Variants in UBL7 observed in about 807,000 individuals in gnomAD.
The protein encoded by UBL7 is ubiquitin like 7.
A neutral mutation model predicts 41.7 loss-of-function variants in UBL7; 21 were observed. That is an observed-to-expected ratio of 0.50 (90% confidence interval 0.36 to 0.73). The LOEUF is 0.73. Among genes scored for constraint, UBL7 ranks in the 30% least tolerant of loss-of-function variants. UBL7 has a pLI of 0.00. For missense variants in UBL7, 403 were observed against 478.4 expected, an observed-to-expected ratio of 0.84 and a Z score of 1.47; for synonymous variants, 157 against 186.9, an observed-to-expected ratio of 0.84 and a Z score of 1.31.
intron 3 of UBL7, among the ~76,000 whole-genome samples, chr15:74,454,550 C>G (rs1425676439): frequency 6.6e-6 from 1 of 152,122 alleles, no homozygotes; most frequent in Non-Finnish European, 1.5e-5. Flanking sequence ...AAGCAGGCAC[C>G]ACCATGCCTG....
chr15:74,450,196 T>A, intron 6 of UBL7, 127 bp from the exon 7 acceptor site: 1 of 1,182,420 alleles, frequency 8.5e-7, no homozygotes, highest in Non-Finnish European at 1.2e-6. Flanking sequence ...CCTCAGTCTT[T>A]AGCATCTTCC....
At chr15:74,449,895 C>T (rs368936938) in intron 7 of UBL7, 41 bp downstream of exon 7, 70 of 1,586,588 alleles carry the variant, frequency 4.4e-5, no homozygotes, top group African/African-American at 2.3e-4. Flanking sequence ...GGGCCACTGC[C>T]GGCTCCTGAG....
chr15:74,457,736 C>CAA (rs1187527943), intron 2 of UBL7, among the ~76,000 whole-genome samples: 29 of 37,392 alleles, frequency 7.8e-4, no homozygotes, highest in Middle Eastern at 0.013. Flanking sequence ...GACTCCGTCT[C>CAA]AAAAAAAAAA....
At chr15:74,451,568 C>G in intron 4 of UBL7, 48 bp from the exon 5 acceptor site, 1 of 1,487,676 alleles carries the variant, frequency 6.7e-7, no homozygotes, top group Non-Finnish European at 9.4e-7. Flanking sequence ...GCTCAATGTA[C>G]TCATCAAATG....
chr15:74,460,058 ATGG>A (rs1338008855), intron 1 of UBL7, among the ~76,000 whole-genome samples: 3 of 151,666 alleles, frequency 2.0e-5, no homozygotes, highest in African/African-American at 7.3e-5. Flanking sequence ...CCTGGCCAAC[ATGG>A]TGAAACTACA....
chr15:74,448,789 C>T (rs753315798), intron 9 of UBL7, among the ~76,000 whole-genome samples, 189 bp from the exon 10 acceptor site: 2 of 152,196 alleles, frequency 1.3e-5, no homozygotes, highest in Non-Finnish European at 2.9e-5. Context: ...AGGTTCCATT[C>T]TCTTCTGCAC....
At chr15:74,460,700 G>C in intron 1 of UBL7, 1 of 1,289,158 alleles carries the variant, frequency 7.8e-7, no homozygotes, top group African/African-American at 1.5e-5. Flanking sequence ...AAATAAATCA[G>C]AAACTCTGAC....
In UBL7 at chr15:74,458,755, T is replaced by A; in HGVS notation, c.113A>T (p.Tyr38Phe). ...TELGEYSLGG[Y>F]SISFLKQLIA... ...AAGCTGCTTCAGAAATGAAATACTA[T>A]AGCCCCCTAGCGAGTATTCTCCCAG... is the stretch of plus-strand genomic sequence containing the variant. The change falls in exon 2 of 11, where the codon TAT becomes TTT. Residue 38 changes from tyrosine (Y) to phenylalanine (F), a missense_variant. Physicochemically the swap from Tyr to Phe is conservative, Grantham distance 22 (BLOSUM62 3). Coordinates refer to ENST00000395081, the MANE Select transcript of UBL7 (RefSeq NM_032907.5). 1 of 1,614,042 alleles carries A rather than the reference T, an allele frequency of 6.2e-7. No individual in the cohort carries two copies. Among genetic ancestry groups the A allele is most frequent in the East Asian group, 2.2e-5 (1 of 44,880 alleles).
At chr15:74,454,808 A>T (rs922768496) in intron 3 of UBL7, among the ~76,000 whole-genome samples, 4 of 152,200 alleles carry the variant, frequency 2.6e-5, no homozygotes, top group African/African-American at 9.6e-5. Context: ...GAGTGATTTT[A>T]TAATTGAGTA....
chr15:74,458,917 A>C, intron 1 of UBL7, 21 bp from the exon 2 acceptor site: 1 of 1,598,012 alleles, frequency 6.3e-7, no homozygotes, highest in Non-Finnish European at 8.5e-7. Context: ...ACAAAACCTC[A>C]GTGGTTAAAA....
chr15:74,449,565 T>C, intron 8 of UBL7, 61 bp downstream of exon 8: 1 of 1,613,056 alleles, frequency 6.2e-7, no homozygotes. Flanking sequence ...AGGATGCAGC[T>C]CATTCCCAGC....
chr15:74,450,170 T>C (rs1373654190), intron 6 of UBL7, 101 bp from the exon 7 acceptor site: 1 of 1,363,986 alleles, frequency 7.3e-7, no homozygotes. Flanking sequence ...CAGCCACCTG[T>C]GCCTGCTCTC....
chr15:74,447,704 C>CTCAA lies in UBL7; in HGVS notation c.1005+770_1005+773dup, dbSNP rs372333367. Reference sequence around the variant, plus strand: ...CCTGGGTGACAGAGTGACACCCTGTCTCAATCAATCAATCAATCAATCAAT... The same window carrying CTCAA: ...CCTGGGTGACAGAGTGACACCCTGTCTCAATCAATCAATCAATCAATCAATCAAT... On this transcript the variant is annotated intron_variant, in intron 10 of 10. Coordinates refer to ENST00000395081, the MANE Select transcript of UBL7 (RefSeq NM_032907.5). Among the ~76,000 whole-genome samples, 254 of 152,122 alleles carry CTCAA rather than the reference C, an allele frequency of 1.7e-3. 2 individuals are homozygous for CTCAA. Among genetic ancestry groups the CTCAA allele is most frequent in the Non-Finnish European group, 1.9e-3 (129 of 67,976 alleles).
At chr15:74,451,007 G>A in intron 5 of UBL7, 148 bp from the exon 6 acceptor site, 1 of 805,186 alleles carries the variant, frequency 1.2e-6, no homozygotes, top group South Asian at 1.6e-5. Flanking sequence ...AAAGCGCCAA[G>A]CAATACAATT....
At chr15:74,460,700 G>GA in intron 1 of UBL7, 1 of 1,289,158 alleles carries the variant, frequency 7.8e-7, no homozygotes, top group Non-Finnish European at 1.0e-6. Flanking sequence ...AAATAAATCA[G>GA]AAACTCTGAC....
rs1459952926 is a variant in UBL7, at chr15:74,461,143, G to T, written c.-136C>A. ...GAAGGAACCCGGCCGCACTGCCGCCGGTGTAAACACTCACTCTGGCCCTCT... is the reference window on the plus strand; with the variant it reads ...GAAGGAACCCGGCCGCACTGCCGCCTGTGTAAACACTCACTCTGGCCCTCT... On this transcript the variant is annotated 5_prime_UTR_variant, in exon 1 of 11. Coordinates refer to ENST00000395081, the MANE Select transcript of UBL7 (RefSeq NM_032907.5). 1 of 997,694 alleles carries T rather than the reference G, an allele frequency of 1.0e-6. No homozygotes were observed. Among genetic ancestry groups the T allele is most frequent in the Non-Finnish European group, 1.2e-6 (1 of 836,170 alleles). 61.8% of individuals were successfully genotyped at this position (997,694 alleles called of 1,614,324 possible).
intron 1 of UBL7, among the ~76,000 whole-genome samples, chr15:74,460,472 C>T (rs192359854): frequency 1.6e-4 from 24 of 152,240 alleles, no homozygotes; most frequent in Non-Finnish European, 3.4e-4. Flanking sequence ...TTTCTCTTCC[C>T]TTTTTGGCCT....
intron 5 of UBL7, 148 bp downstream of exon 5, chr15:74,451,288 A>G: frequency 1.4e-6 from 1 of 703,114 alleles, no homozygotes; most frequent in East Asian, 2.6e-5. Flanking sequence ...AGGGCTGGGG[A>G]TATCAAACAC....
intron 2 of UBL7, among the ~76,000 whole-genome samples, chr15:74,457,832 GA>G (rs2061309408): frequency 6.6e-6 from 1 of 151,728 alleles, no homozygotes; most frequent in Non-Finnish European, 1.5e-5. Context: ...TAAATCAATG[GA>G]AAAACAACAA....
Sources: allele counts gnomAD v4.1 joint callset (sites outside exome capture counted in the v4.1 genomes callset), GRCh38; gene constraint gnomAD v4.1.1; transcripts MANE v1.5; gene names NCBI Gene and HGNC (gene_info 2026-07-23, HGNC 2026-07-21).